Variants in SMARCC1 observed in about 807,000 individuals in gnomAD.
SMARCC1 encodes the protein SWI/SNF complex subunit SMARCC1.
Under a neutral mutation model 147.4 loss-of-function variants are expected in SMARCC1, and 43 were observed. That is an observed-to-expected ratio of 0.29 (90% CI 0.23 to 0.38). The LOEUF (loss-of-function observed/expected upper bound fraction) is 0.38. Among genes scored for constraint, SMARCC1 ranks in the 10% least tolerant of loss-of-function variants. SMARCC1 has a pLI of 1.00. For synonymous variants in SMARCC1, 495 were observed against 484.4 expected (o/e 1.02, Z -0.29); for missense variants, 1,119 against 1,381.1 (o/e 0.81, Z 3.01).
intron 21 of SMARCC1, among the ~76,000 whole-genome samples, chr3:47,648,677 A>G (rs569249421): frequency 6.6e-6 from 1 of 152,114 alleles, no homozygotes; most frequent in African/African-American, 2.4e-5. Flanking sequence ...TACAGTTGTG[A>G]GCGACCACAC....
intron 27 of SMARCC1, among the ~76,000 whole-genome samples, chr3:47,589,864 G>T (rs967576206): frequency 1.3e-5 from 2 of 152,204 alleles, no homozygotes; most frequent in African/African-American, 4.8e-5. Flanking sequence ...CTATCTCTCT[G>T]AACTATAAAT....
intron 18 of SMARCC1, among the ~76,000 whole-genome samples, chr3:47,671,173 C>CA (rs775759680): frequency 6.8e-4 from 20 of 29,238 alleles, no homozygotes; most frequent in Admixed American, 2.6e-3. Context: ...GAGACTATCT[C>CA]AAAAAAAAAA....
intron 10 of SMARCC1, chr3:47,701,606 G>C: frequency 1.9e-6 from 1 of 523,280 alleles, no homozygotes; most frequent in Non-Finnish European, 3.4e-6. Flanking sequence ...CTAAGGTCAG[G>C]AGTTTGAGAC....
intron 21 of SMARCC1, among the ~76,000 whole-genome samples, chr3:47,649,727 G>A (rs2033162519): frequency 6.6e-6 from 1 of 152,096 alleles, no homozygotes; most frequent in Non-Finnish European, 1.5e-5. Context: ...CCACTCAGTA[G>A]CAAAAGAAAT....
At chr3:47,624,583 A>G (rs2032780526) in intron 24 of SMARCC1, among the ~76,000 whole-genome samples, 1 of 152,232 alleles carries the variant, frequency 6.6e-6, no homozygotes, top group East Asian at 1.9e-4. Context: ...TGAATAGAGA[A>G]CAGACATTCC....
chr3:47,774,756 C>T (rs182332122), intron 1 of SMARCC1, among the ~76,000 whole-genome samples: 40 of 152,004 alleles, frequency 2.6e-4, no homozygotes, highest in Non-Finnish European at 4.4e-4. Flanking sequence ...CTTCCTTATA[C>T]TATATTGATA....
intron 26 of SMARCC1, among the ~76,000 whole-genome samples, chr3:47,594,306 C>T (rs910720311): frequency 1.3e-5 from 2 of 152,320 alleles, no homozygotes; most frequent in Admixed American, 6.5e-5. Context: ...TATAATGTAA[C>T]GCAAAGCCTA....
chr3:47,680,159 T>C, intron 15 of SMARCC1: 1 of 281,158 alleles, frequency 3.6e-6, no homozygotes, highest in South Asian at 4.8e-5. Context: ...GGGGCAGAGA[T>C]TTCTGTGAGC....
At chr3:47,762,173 A>G (rs1399743698) in intron 2 of SMARCC1, among the ~76,000 whole-genome samples, 1 of 152,186 alleles carries the variant, frequency 6.6e-6, no homozygotes, top group Non-Finnish European at 1.5e-5. Context: ...CTTGAAGACA[A>G]CAGATTCTTC....
In SMARCC1 at chr3:47,654,606, C is replaced by A. The variant is rs115828185; in HGVS notation, c.2320+6688G>T. ...AGGGTTTATTTAGCTCACAGTTCCACAGACTTAGAAGTTCAAGGGCATGGC... is the reference window on the plus strand; with the variant it reads ...AGGGTTTATTTAGCTCACAGTTCCAAAGACTTAGAAGTTCAAGGGCATGGC... On this transcript the variant is annotated intron_variant, in intron 21 of 27. Coordinates refer to ENST00000254480, the MANE Select transcript of SMARCC1 (RefSeq NM_003074.4). 4.0e-3 allele frequency among the ~76,000 whole-genome samples: 604 copies of A among 152,304 alleles called. 5 individuals carry two copies. The highest frequency in any genetic ancestry group is 0.013 in the African/African-American group (548 of 41,562).
At chr3:47,735,894 A>C (rs2034436597) in intron 5 of SMARCC1, 140 bp downstream of exon 5, 1 of 479,534 alleles carries the variant, frequency 2.1e-6, no homozygotes, top group Non-Finnish European at 3.6e-6. Context: ...AAAAAAAAAA[A>C]AACTCAAGAA....
At chr3:47,674,176 A>C (rs978689281) in intron 18 of SMARCC1, among the ~76,000 whole-genome samples, 3 of 152,188 alleles carry the variant, frequency 2.0e-5, no homozygotes, top group South Asian at 4.1e-4. Context: ...TATAAATCCC[A>C]AATATTATTG....
chr3:47,642,011 C>T (rs114417598), intron 21 of SMARCC1, among the ~76,000 whole-genome samples: 177 of 152,202 alleles, frequency 1.2e-3, no homozygotes, highest in Middle Eastern at 3.4e-3. Context: ...TAGCCCTAAG[C>T]GATCCAATCG....
At chr3:47,755,934 G>A (rs1191505237) in intron 2 of SMARCC1, among the ~76,000 whole-genome samples, 1 of 145,308 alleles carries the variant, frequency 6.9e-6, no homozygotes, top group Admixed American at 7.0e-5. Context: ...AGGTTACGGT[G>A]AGCTGAGATG....
At chr3:47,719,428 C>A (rs1189519709) in intron 7 of SMARCC1, among the ~76,000 whole-genome samples, 1 of 151,916 alleles carries the variant, frequency 6.6e-6, no homozygotes, top group African/African-American at 2.4e-5. Context: ...AGGCTGGACG[C>A]GGTGGCTCAC....
chr3:47,764,666 C>T (rs2034815178), intron 2 of SMARCC1, among the ~76,000 whole-genome samples: 1 of 152,160 alleles, frequency 6.6e-6, no homozygotes, highest in African/African-American at 2.4e-5. Context: ...TCTAACTGGT[C>T]ATGCTACATC....
intron 24 of SMARCC1, among the ~76,000 whole-genome samples, chr3:47,627,516 C>T (rs571271143): frequency 2.0e-5 from 3 of 152,210 alleles, no homozygotes; most frequent in South Asian, 2.1e-4. Flanking sequence ...TATTTCTCAT[C>T]TCTGGTTCCT....
chr3:47,595,798 G>C (rs1439155148), intron 26 of SMARCC1, among the ~76,000 whole-genome samples: 1 of 149,462 alleles, frequency 6.7e-6, no homozygotes, highest in African/African-American at 2.5e-5. Flanking sequence ...GCAGTGGGGC[G>C]ATCTCGACTC....
chr3:47,653,245 C>G (rs974060209), intron 21 of SMARCC1, among the ~76,000 whole-genome samples: 1 of 152,212 alleles, frequency 6.6e-6, no homozygotes, highest in African/African-American at 2.4e-5. Flanking sequence ...GCGTGAGCCA[C>G]GGCGCCCGGC....
Sources: gnomAD v4.1 joint callset for allele counts (sites outside exome capture counted in the v4.1 genomes callset) on GRCh38, gnomAD v4.1.1 for gene constraint, MANE v1.5 for transcripts, NCBI Gene and HGNC (gene_info 2026-07-23, HGNC 2026-07-21) for gene names.